PDGFC: variants seen among roughly 807,000 people sequenced by gnomAD.
PDGFC encodes the protein platelet-derived growth factor C.
Under a neutral mutation model 35.5 loss-of-function variants are expected in PDGFC, and 12 were observed. The observed-to-expected ratio is 0.34, with a 90% CI of 0.22 to 0.55. The LOEUF is 0.55. PDGFC is among the 20% of genes least tolerant of loss of function. The pLI is 0.91. For missense variants in PDGFC, 322 were observed against 412.4 expected, an observed-to-expected ratio of 0.78 and a Z score of 1.90; for synonymous variants, 159 against 148.8, an observed-to-expected ratio of 1.07 and a Z score of -0.50.
At chr4:156,803,071 G>C (rs940027009) in intron 3 of PDGFC, among the ~76,000 whole-genome samples, 1 of 152,132 alleles carries the variant, frequency 6.6e-6, no homozygotes, top group Non-Finnish European at 1.5e-5. Flanking sequence ...GGCAGAAGGA[G>C]ACTGCAAGGA....
rs1321139053 is a variant in PDGFC, at chr4:156,915,533, C to T, written c.118+55253G>A. On this transcript the variant is annotated intron_variant, in intron 1 of 5. Coordinates refer to ENST00000502773, the MANE Select transcript of PDGFC (RefSeq NM_016205.3). ...AAACAAGGTGCGGGGGGGCAGGGTG[C>T]AGTGATCCCAGCACTTTGGGAGGCC... Among the ~76,000 whole-genome samples, 4 of 152,266 alleles carry T rather than the reference C, an allele frequency of 2.6e-5. No individual in the cohort carries two copies. The East Asian group carries it at 7.7e-4, about 29-fold the overall frequency.
At chr4:156,903,085 A>AAGAGAGAGAGAG (rs537862051) in intron 1 of PDGFC, among the ~76,000 whole-genome samples, 1 of 137,600 alleles carries the variant, frequency 7.3e-6, no homozygotes, top group Admixed American at 7.6e-5. Flanking sequence ...AATAAGGACA[A>AAGAGAGAGAGAG]AGAGAGAGAG....
chr4:156,768,059 G>T, intron 4 of PDGFC, 69 bp from the exon 5 acceptor site: 2 of 888,174 alleles, frequency 2.3e-6, no homozygotes, highest in Non-Finnish European at 3.7e-6. Flanking sequence ...ATTTCATTAA[G>T]CTCTTTTCAT....
At chr4:156,872,291 G>A (rs145940862) in intron 1 of PDGFC, among the ~76,000 whole-genome samples, 54 of 152,266 alleles carry the variant, frequency 3.5e-4, no homozygotes, top group African/African-American at 1.3e-3. Context: ...AGAAATCCAA[G>A]CAATGAAGCT....
chr4:156,909,405 A>G (rs1319777169), intron 1 of PDGFC, among the ~76,000 whole-genome samples: 1 of 152,202 alleles, frequency 6.6e-6, no homozygotes, highest in African/African-American at 2.4e-5. Flanking sequence ...TGCAAATATT[A>G]TGGCCAGAAA....
At chr4:156,826,174 A>AATTTTTTTT (rs1288749370) in intron 2 of PDGFC, among the ~76,000 whole-genome samples, 1 of 43,790 alleles carries the variant, frequency 2.3e-5, no homozygotes, top group African/African-American at 8.1e-5. Flanking sequence ...TTTGAGTTGG[A>AATTTTTTTT]TTTTTTTTTT....
intron 1 of PDGFC, among the ~76,000 whole-genome samples, chr4:156,888,903 C>T (rs921725762): frequency 6.6e-6 from 1 of 152,146 alleles, no homozygotes; most frequent in Admixed American, 6.5e-5. Flanking sequence ...CCTATTATTT[C>T]AAGTTTCTCA....
At chr4:156,823,398 T>C (rs1732324630) in intron 2 of PDGFC, among the ~76,000 whole-genome samples, 1 of 152,186 alleles carries the variant, frequency 6.6e-6, no homozygotes, top group Admixed American at 6.5e-5. Flanking sequence ...GTATATAAAG[T>C]GTTTAGCATA....
chr4:156,886,478 AT>A (rs1560857404), intron 1 of PDGFC, among the ~76,000 whole-genome samples: 2 of 152,204 alleles, frequency 1.3e-5, no homozygotes, highest in Non-Finnish European at 2.9e-5. Flanking sequence ...CTGAATTGCT[AT>A]TTGGCAGACA....
At chr4:156,967,741 C>T (rs1434678048) in intron 1 of PDGFC, 1 of 152,130 alleles carries the variant, frequency 6.6e-6, no homozygotes, top group Non-Finnish European at 1.5e-5. Context: ...AATAGGCATT[C>T]TCATCTAAAA....
intron 2 of PDGFC, among the ~76,000 whole-genome samples, chr4:156,823,680 G>A (rs182711026): frequency 1.1e-4 from 17 of 152,232 alleles, no homozygotes; most frequent in African/African-American, 3.1e-4. Flanking sequence ...TACTGTGAAG[G>A]TTCCTCAAAA....
chr4:156,930,594 G>A (rs188454237), intron 1 of PDGFC, among the ~76,000 whole-genome samples: 33 of 152,316 alleles, frequency 2.2e-4, no homozygotes, highest in African/African-American at 5.5e-4. Context: ...TAGGCCGGGC[G>A]CAGCGTCTCA....
chr4:156,857,935 C>G (rs1339503698), intron 1 of PDGFC, among the ~76,000 whole-genome samples: 1 of 151,966 alleles, frequency 6.6e-6, no homozygotes, highest in Admixed American at 6.6e-5. Flanking sequence ...TCTCAAATAA[C>G]ACAATAAAAT....
intron 3 of PDGFC, among the ~76,000 whole-genome samples, chr4:156,787,501 C>T (rs754562360): frequency 2.0e-5 from 3 of 152,102 alleles, no homozygotes; most frequent in Non-Finnish European, 4.4e-5. Flanking sequence ...ACATAACTGT[C>T]GTGAGCAGTT....
At chr4:156,880,459 C>G (rs1730215890) in intron 1 of PDGFC, among the ~76,000 whole-genome samples, 2 of 152,136 alleles carry the variant, frequency 1.3e-5, no homozygotes, top group African/African-American at 4.8e-5. Context: ...AGATTCCTTT[C>G]AAAATATTAC....
chr4:156,917,128 C>A (rs1414672809), intron 1 of PDGFC, among the ~76,000 whole-genome samples: 3 of 152,168 alleles, frequency 2.0e-5, no homozygotes, highest in African/African-American at 4.8e-5. Context: ...ACCATAAAAC[C>A]AACCTATGGT....
At chr4:156,873,046 G>T (rs934859396) in intron 1 of PDGFC, among the ~76,000 whole-genome samples, 1 of 152,108 alleles carries the variant, frequency 6.6e-6, no homozygotes, top group Non-Finnish European at 1.5e-5. Context: ...CAGAAGGATC[G>T]CCTGAGCCCA....
intron 1 of PDGFC, among the ~76,000 whole-genome samples, chr4:156,895,487 C>T (rs1364031482): frequency 2.0e-5 from 3 of 151,848 alleles, no homozygotes; most frequent in African/African-American, 2.4e-5. Flanking sequence ...CAAAAATTAG[C>T]CGGGTGTTGT....
chr4:156,956,000 C>A (rs926904580), intron 1 of PDGFC, among the ~76,000 whole-genome samples: 1 of 152,000 alleles, frequency 6.6e-6, no homozygotes, highest in Non-Finnish European at 1.5e-5. Context: ...AAAAGTAGAA[C>A]ATCCCTGAGT....
Sources: gnomAD v4.1 joint callset for allele counts (sites outside exome capture counted in the v4.1 genomes callset) on GRCh38, gnomAD v4.1.1 for gene constraint, MANE v1.5 for transcripts, NCBI Gene and HGNC (gene_info 2026-07-23, HGNC 2026-07-21) for gene names.